MSH6: variants seen among roughly 807,000 people sequenced by gnomAD.
The protein encoded by MSH6 is DNA mismatch repair protein Msh6.
In MSH6, 85 loss-of-function variants were observed where a neutral mutation model predicts 119.1. The ratio of observed to expected loss-of-function variants is 0.71; its 90% CI spans 0.60 to 0.85. The LOEUF is 0.85. MSH6 is among the 40% of genes least tolerant of loss of function. MSH6 has a pLI of 0.00. For missense variants in MSH6, 2,163 were observed against 1,655.3 expected (o/e 1.31, Z -5.32); for synonymous variants, 830 against 586.9 (o/e 1.41, Z -5.99).
At chr2:47,805,094 C>CTTGT in intron 6 of MSH6, 67 bp downstream of exon 6, 1 of 1,053,272 alleles carries the variant, frequency 9.5e-7, no homozygotes, top group Non-Finnish European at 1.5e-6. Flanking sequence ...ATATTTGCTT[C>CTTGT]TTGTATATGA....
intron 5 of MSH6, among the ~76,000 whole-genome samples, chr2:47,804,513 C>G (rs1669828620): frequency 6.9e-6 from 1 of 144,594 alleles, no homozygotes; most frequent in Non-Finnish European, 1.5e-5. Context: ...ATCAGAATCA[C>G]CTGAAAGAAT....
downstream of MSH6, chr2:47,809,274 AAAAG>A (rs752742195): frequency 2.9e-4 from 430 of 1,491,326 alleles, 2 homozygotes; most frequent in African/African-American, 2.7e-3. Context: ...TATCTGTAAT[AAAAG>A]AAAGAATAAG....
chr2:47,783,557 G>T (rs2103947531), intron 1 of MSH6, 64 bp downstream of exon 1: 1 of 1,387,776 alleles, frequency 7.2e-7, no homozygotes, highest in East Asian at 2.8e-5. Context: ...AACCCGGCGA[G>T]GGGAGGCTCG....
chr2:47,793,942 G>T (rs1668914411), intron 2 of MSH6, among the ~76,000 whole-genome samples: 1 of 151,760 alleles, frequency 6.6e-6, no homozygotes. Flanking sequence ...ACGTTGTCCA[G>T]GCTGGTCTCA....
rs1558390840 is a variant in MSH6 at position 47,805,671 on chromosome 2, G to GCAA, written c.3613_3615dup (p.Thr1205dup). The GCAA allele has an allele frequency of 1.2e-6, 2 of 1,613,412 alleles. No homozygotes were observed. The highest frequency in any genetic ancestry group is 8.5e-7 in the Non-Finnish European group (1 of 1,179,566). Reference sequence around the variant, plus strand: ...TGAAACTGCCAGCATACTCATGCATGCAACAGCACATTCTCTGGTGCTTGT... The same window carrying GCAA: ...TGAAACTGCCAGCATACTCATGCATGCAACAACAGCACATTCTCTGGTGCTTGT... On this transcript the variant is annotated inframe_insertion, in exon 7 of 10. Coordinates refer to ENST00000234420, the MANE Select transcript of MSH6 (RefSeq NM_000179.3).
In MSH6 at chr2:47,801,012, C is replaced by T. The variant is rs768925694; in HGVS notation, c.3029C>T (p.Thr1010Ile). The T allele has an allele frequency of 6.4e-7, 1 of 1,571,708 alleles. No homozygotes were observed. The highest frequency in any genetic ancestry group is 1.2e-5 in the South Asian group (1 of 83,098). ...KKGCKRYWTKTIEKKLANLIN... is the reference protein window; with the variant it reads ...KKGCKRYWTKIIEKKLANLIN... The stretch of plus-strand genomic sequence containing the variant: ...GGCTGTAAACGATACTGGACCAAAA[C>T]TATTGAAAAGAAGTTGGCTAATCTC... The change falls in exon 4 of 10, where the codon ACT becomes ATT. Residue 1010 changes from threonine to isoleucine, a missense_variant. Coordinates refer to ENST00000234420, the MANE Select transcript of MSH6 (RefSeq NM_000179.3).
At chr2:47,793,061 C>A (rs927193593) in intron 2 of MSH6, among the ~76,000 whole-genome samples, 2 of 151,640 alleles carry the variant, frequency 1.3e-5, no homozygotes, top group African/African-American at 4.8e-5. Flanking sequence ...TGGCTCACAC[C>A]TGTAATCCCA....
chr2:47,809,335 GATT>G (rs1279245375), downstream of MSH6: 19 of 1,021,092 alleles, frequency 1.9e-5, no homozygotes, highest in Admixed American at 9.9e-5. Flanking sequence ...AAGATTATAG[GATT>G]ATTCTAACAG....
Position 47,800,334 on chromosome 2 carries a change from A to G in MSH6, c.2351A>G (p.Asn784Ser). The G allele has an allele frequency of 6.2e-7, 1 of 1,614,134 alleles. No homozygotes were observed. Among genetic ancestry groups the G allele is most frequent in the East Asian group, 2.2e-5 (1 of 44,884 alleles). ...LKQWLCAPLC[N>S]HYAINDRLDA... is the part of the protein sequence containing the mutation. ...CAATGGCTTTGTGCCCCACTCTGTA[A>G]CCATTATGCTATTAATGATCGTCTA... Residue 784 changes from asparagine (N) to serine (S), a missense_variant, in exon 4 of 10, where the codon AAC (asparagine) becomes AGC (serine). Coordinates refer to ENST00000234420, the MANE Select transcript of MSH6 (RefSeq NM_000179.3).
chr2:47,805,248 T>A (rs952890965), intron 6 of MSH6, among the ~76,000 whole-genome samples: 3 of 152,134 alleles, frequency 2.0e-5, no homozygotes, highest in Non-Finnish European at 4.4e-5. Context: ...TGGCACGATC[T>A]TGGCTCACTG....
chr2:47,804,476 A>G (rs1488796868), intron 5 of MSH6, among the ~76,000 whole-genome samples: 1 of 151,954 alleles, frequency 6.6e-6, no homozygotes, highest in African/African-American at 2.4e-5. Context: ...TATAGTGTGT[A>G]TAGTGATTTC....
At position 47,806,634 on chromosome 2, in the gene MSH6, G is replaced by A. The variant is rs1670149814; in HGVS notation, c.3984G>A (p.Gln1328=). 3 of 1,610,550 alleles carry A rather than the reference G, an allele frequency of 1.9e-6. No homozygotes were observed. Among genetic ancestry groups the A allele is most frequent in the Non-Finnish European group, 2.5e-6 (3 of 1,179,342 alleles). The change falls in exon 9 of 10, where the codon CAG becomes CAA. Residue 1328 remains glutamine (Q), a synonymous_variant. Coordinates refer to ENST00000234420, the MANE Select transcript of MSH6 (RefSeq NM_000179.3). ...CAAGAGAATTTGAGAAGATGAATCA[G>A]TCACTACGATTATTTCGGTAACTAA... The part of the protein sequence containing the change: ...RKAREFEKMN[Q]SLRLFREVCL...
In MSH6 at chr2:47,805,798, T is replaced by G. The variant is rs3136359; in HGVS notation, c.3646+91T>G. On this transcript the variant is annotated intron_variant, in intron 7 of 9. Coordinates refer to ENST00000234420, the MANE Select transcript of MSH6 (RefSeq NM_000179.3). ...TTATAGAAGATTATCTGAAGTACAT[T>G]TAAACAATATGAATGTTTTTAGAGC... is the stretch of plus-strand genomic sequence containing the variant. 5.9e-4 allele frequency: 596 copies of G among 1,009,692 alleles called. 6 individuals carry two copies. In the East Asian group the frequency reaches 0.013, roughly 21 times the overall value. The allele number at this position is 1,009,692 out of a possible 1,614,324, so 62.5% of individuals were successfully genotyped here.
At chr2:47,795,873 T>C (rs1290094408) in intron 2 of MSH6, 21 bp from the exon 3 acceptor site, 3 of 1,611,872 alleles carry the variant, frequency 1.9e-6, no homozygotes, top group African/African-American at 1.3e-5. Context: ...CCTTATTGTT[T>C]ATAAATACAT....
At chr2:47,794,023 C>A (rs1243952986) in intron 2 of MSH6, among the ~76,000 whole-genome samples, 1 of 147,846 alleles carries the variant, frequency 6.8e-6, no homozygotes, top group African/African-American at 2.5e-5. Context: ...AGCCACTGGG[C>A]TGGCCCAGAA....
At chr2:47,788,900 CTTCTTCCTTTTTTT>C (rs1370764033) in intron 1 of MSH6, among the ~76,000 whole-genome samples, 1 of 47,292 alleles carries the variant, frequency 2.1e-5, no homozygotes, top group African/African-American at 8.0e-5. Flanking sequence ...TTCTTTCTTT[CTTCTTCCTTTTTTT>C]TTTTTTTGTT....
chr2:47,804,672 T>TG (rs1183196657), intron 5 of MSH6, among the ~76,000 whole-genome samples: 1 of 152,044 alleles, frequency 6.6e-6, no homozygotes, highest in Non-Finnish European at 1.5e-5. Flanking sequence ...ACTAGGGTAG[T>TG]GGGTTGGTAA....
chr2:47,789,367 A>G (rs1430797769), intron 1 of MSH6: 2 of 417,300 alleles, frequency 4.8e-6, no homozygotes, highest in Non-Finnish European at 9.6e-6. Flanking sequence ...AAAGGAATTT[A>G]TTTCAAAACT....
At chr2:47,792,870 T>TA (rs1256788425) in intron 2 of MSH6, among the ~76,000 whole-genome samples, 1 of 119,452 alleles carries the variant, frequency 8.4e-6, no homozygotes, top group Non-Finnish European at 1.8e-5. Context: ...TTTTTTTTTT[T>TA]AAAGAGATGA....
Sources: allele counts gnomAD v4.1 joint callset (sites outside exome capture counted in the v4.1 genomes callset), GRCh38; gene constraint gnomAD v4.1.1; transcripts MANE v1.5; gene names NCBI Gene and HGNC (gene_info 2026-07-23, HGNC 2026-07-21).